The following MAPKBP1 variants were observed in gnomAD, a reference collection of about 807,000 sequenced individuals.
The protein encoded by MAPKBP1 is mitogen-activated protein kinase-binding protein 1.
MAPKBP1 carries 71 observed loss-of-function variants against 170.5 expected under a neutral mutation model. The ratio of observed to expected loss-of-function variants is 0.42; its 90% CI spans 0.34 to 0.51. The LOEUF is 0.51. Among genes scored for constraint, MAPKBP1 ranks in the 20% least tolerant of loss-of-function variants. The pLI, the probability that MAPKBP1 is intolerant of heterozygous loss-of-function variation, is 0.06. For missense variants in MAPKBP1, 1,598 were observed against 1,933.0 expected (o/e 0.83, Z 3.25); for synonymous variants, 719 against 757.9 (o/e 0.95, Z 0.84).
At chr15:41,813,404 G>A (rs2064837732) in intron 8 of MAPKBP1, 2 of 1,509,058 alleles carry the variant, frequency 1.3e-6, no homozygotes, top group African/African-American at 2.8e-5. Flanking sequence ...TCTTCACTGG[G>A]CTTTTCCTAC....
At chr15:41,796,571 C>T (rs191739404) in intron 2 of MAPKBP1, among the ~76,000 whole-genome samples, 3 of 152,256 alleles carry the variant, frequency 2.0e-5, no homozygotes, top group African/African-American at 7.2e-5. Flanking sequence ...TTCCCCTGCT[C>T]CTCCCCTTCC....
chr15:41,774,521 T>A lies in MAPKBP1; in HGVS notation c.-199T>A, dbSNP rs2064060824. ...CCACCATAGCTCCTGCTGCTGCCTC[T>A]ACCGCTGCGGCTACCGCGGCGGAGC... On this transcript the variant is annotated 5_prime_UTR_variant, in exon 1 of 31. Coordinates refer to ENST00000457542, the MANE Select transcript of MAPKBP1 (RefSeq NM_014994.3). 2.5e-6 allele frequency: 1 copy of A among 398,410 alleles called. No homozygotes were observed. The highest frequency in any genetic ancestry group is 4.4e-5 in the Admixed American group (1 of 22,720). The allele number at this position is 398,410 out of a possible 1,614,324, so 24.7% of individuals were successfully genotyped here.
At chr15:41,789,292 GAA>G (rs34518668) in intron 2 of MAPKBP1, among the ~76,000 whole-genome samples, 3 of 149,684 alleles carry the variant, frequency 2.0e-5, no homozygotes, top group Non-Finnish European at 3.0e-5. Flanking sequence ...GACTTTAGAG[GAA>G]AAAAAAAAAC....
chr15:41,821,167 T>C, intron 23 of MAPKBP1, 99 bp downstream of exon 23: 1 of 1,146,472 alleles, frequency 8.7e-7, no homozygotes, highest in Non-Finnish European at 1.3e-6. Flanking sequence ...CTATGCTTGC[T>C]CTGCCCCTGT....
intron 3 of MAPKBP1, among the ~76,000 whole-genome samples, chr15:41,806,258 G>C (rs1301777526): frequency 6.6e-6 from 1 of 152,242 alleles, no homozygotes; most frequent in African/African-American, 2.4e-5. Flanking sequence ...AGCAGTGACG[G>C]AGGTAGGGTT....
intron 30 of MAPKBP1, 58 bp from the exon 31 acceptor site, chr15:41,825,151 C>A: frequency 1.4e-6 from 2 of 1,437,654 alleles, no homozygotes; most frequent in Non-Finnish European, 1.9e-6. Flanking sequence ...TGGGGCCCCT[C>A]CCTTTTATAT....
chr15:41,795,568 CATG>C lies in MAPKBP1; in HGVS notation c.115-4252_115-4250del, dbSNP rs1441140807. Among the ~76,000 whole-genome samples, 5 of 151,996 alleles carry C rather than the reference CATG, an allele frequency of 3.3e-5. No individual in the cohort carries two copies. The East Asian group carries it at 7.7e-4, about 23-fold the overall frequency. ...TGGAGGGTTTTGGGCAAAATGATGA[CATG>C]ATTTCATTTATATTATATTTTATTT... On this transcript the variant is annotated intron_variant, in intron 2 of 30. Coordinates refer to ENST00000457542, the MANE Select transcript of MAPKBP1 (RefSeq NM_014994.3).
chr15:41,786,954 A>G (rs761577152), intron 2 of MAPKBP1, among the ~76,000 whole-genome samples: 40 of 151,218 alleles, frequency 2.6e-4, no homozygotes, highest in Admixed American at 5.9e-4. Context: ...GCTGGAGTGC[A>G]GTGGCAGTAT....
chr15:41,778,170 T>TA lies in MAPKBP1; in HGVS notation c.114+2789dup, dbSNP rs139846406. On this transcript the variant is annotated intron_variant, in intron 2 of 30. Coordinates refer to ENST00000457542, the MANE Select transcript of MAPKBP1 (RefSeq NM_014994.3). ...ACAGTGTAAGATAGGCAGTAAGTACTAAAAAAAATAAATGAGACTAATTTA... is the reference window on the plus strand; with the variant it reads ...ACAGTGTAAGATAGGCAGTAAGTACTAAAAAAAAATAAATGAGACTAATTTA... Among the ~76,000 whole-genome samples, 19 of 152,098 alleles carry TA rather than the reference T, an allele frequency of 1.2e-4. No homozygotes were observed. In the East Asian group the frequency reaches 3.3e-3, roughly 26 times the overall value.
Position 41,819,663 on chromosome 15 carries a change from T to C in MAPKBP1, c.2481+13T>C. ...GGAGATGAGTCGGGTGAGTCGCCATTGTTAAAATGTTCTTCCAAGGTTAGA... is the reference window on the plus strand; with the variant it reads ...GGAGATGAGTCGGGTGAGTCGCCATCGTTAAAATGTTCTTCCAAGGTTAGA... On this transcript the variant is annotated intron_variant, in intron 22 of 30. Coordinates refer to ENST00000457542, the MANE Select transcript of MAPKBP1 (RefSeq NM_014994.3). 2 of 1,605,450 alleles carry C rather than the reference T, an allele frequency of 1.2e-6. No individual in the cohort carries two copies. The highest frequency in any genetic ancestry group is 1.7e-6 in the Non-Finnish European group (2 of 1,175,008).
chr15:41,810,543 C>CAAAAAA (rs11415317), intron 3 of MAPKBP1: 1 of 151,300 alleles, frequency 6.6e-6, no homozygotes, highest in Non-Finnish European at 1.3e-5. Flanking sequence ...CCCGTGTCTA[C>CAAAAAA]AAAAAAAAAA....
chr15:41,796,285 G>A (rs546801902), intron 2 of MAPKBP1, among the ~76,000 whole-genome samples: 2 of 152,132 alleles, frequency 1.3e-5, no homozygotes, highest in Admixed American at 6.6e-5. Context: ...GTGTTTGCAG[G>A]GGATGTTCAA....
intron 2 of MAPKBP1, among the ~76,000 whole-genome samples, chr15:41,781,398 T>TG (rs1491324533): frequency 1.5e-5 from 1 of 64,664 alleles, no homozygotes; most frequent in Non-Finnish European, 3.8e-5. Flanking sequence ...TGGGTTTTTT[T>TG]GTTTTTTTTT....
chr15:41,821,546 C>T, intron 23 of MAPKBP1, 38 bp from the exon 24 acceptor site: 1 of 1,596,460 alleles, frequency 6.3e-7, no homozygotes, highest in Non-Finnish European at 8.6e-7. Context: ...CCTCATCTGT[C>T]ACCTCTGCTC....
At position 41,826,854 on chromosome 15, in the gene MAPKBP1, C is replaced by G. The variant is rs775263343; in HGVS notation, c.*1418C>G. ...CCTAGGAGGTAGAGTGGGACCATGT[C>G]GTGAGGCAGTTGAAGAGTTGAGGAA... On this transcript the variant is annotated 3_prime_UTR_variant, in exon 31 of 31. Coordinates refer to ENST00000457542, the MANE Select transcript of MAPKBP1 (RefSeq NM_014994.3). The G allele has an allele frequency of 1.3e-5, 2 of 152,194 alleles. No individual in the cohort carries two copies. Among genetic ancestry groups the G allele is most frequent in the African/African-American group, 4.8e-5 (2 of 41,398 alleles). 9.4% of individuals were successfully genotyped at this position (152,194 alleles called of 1,614,324 possible). A position where few individuals can be genotyped will look rare whatever the true frequency, so the allele number is the denominator to read the frequency against.
intron 25 of MAPKBP1, 28 bp downstream of exon 25, chr15:41,822,138 C>T: frequency 7.0e-7 from 1 of 1,427,292 alleles, no homozygotes; most frequent in Non-Finnish European, 9.6e-7. Flanking sequence ...AGGGAGGGGC[C>T]ATGGGGGGTG....
chr15:41,824,649 T>A, intron 30 of MAPKBP1, 80 bp downstream of exon 30: 1 of 1,334,092 alleles, frequency 7.5e-7, no homozygotes. Context: ...TCCAGAACAG[T>A]ATGCTAAGCC....
chr15:41,807,165 G>A (rs2064712145), intron 3 of MAPKBP1, among the ~76,000 whole-genome samples: 1 of 152,116 alleles, frequency 6.6e-6, no homozygotes, highest in African/African-American at 2.4e-5. Flanking sequence ...GTTAGAGGAG[G>A]GAGAAATTGC....
intron 9 of MAPKBP1, 115 bp from the exon 10 acceptor site, chr15:41,814,435 C>A (rs1261236676): frequency 9.6e-7 from 1 of 1,038,396 alleles, no homozygotes; most frequent in Admixed American, 2.4e-5. Flanking sequence ...CAAGCAACTA[C>A]TTCCAAACCT....
Sources: gnomAD v4.1 joint callset for allele counts (sites outside exome capture counted in the v4.1 genomes callset) on GRCh38, gnomAD v4.1.1 for gene constraint, MANE v1.5 for transcripts, NCBI Gene and HGNC (gene_info 2026-07-23, HGNC 2026-07-21) for gene names.